U2SURP: variants seen among roughly 807,000 people sequenced by gnomAD.
U2SURP encodes the protein U2 snRNP associated SURP domain containing.
In U2SURP, 9 loss-of-function variants were observed where a neutral mutation model predicts 144.9. The observed-to-expected ratio is 0.06, with a 90% CI of 0.04 to 0.11. The LOEUF (loss-of-function observed/expected upper bound fraction) is 0.11, where lower values mean the gene tolerates loss of function less well. Among genes scored for constraint, U2SURP ranks in the 10% least tolerant of loss-of-function variants. The pLI is 1.00. For synonymous variants in U2SURP, 408 were observed against 396.8 expected, an observed-to-expected ratio of 1.03 and a Z score of -0.33; for missense variants, 724 against 1,226.7, an observed-to-expected ratio of 0.59 and a Z score of 6.12.
chr3:143,010,197 A>G lies in U2SURP; in HGVS notation c.46-618A>G, dbSNP rs557872448. Among the ~76,000 whole-genome samples the G allele has an allele frequency of 9.3e-4, 141 of 152,362 alleles. 1 individual carries two copies. Among genetic ancestry groups the G allele is most frequent in the African/African-American group, 2.4e-3 (99 of 41,582 alleles). On this transcript the variant is annotated intron_variant, in intron 1 of 27. Transcript: ENST00000473835. ...AGGTAGATCACTTAAGAAAAGTTGA[A>G]GTTTTAACAGTTGACATCACTGGAA...
intron 18 of U2SURP, 36 bp downstream of exon 18, chr3:143,033,386 AAGTATT>A: frequency 8.9e-7 from 1 of 1,124,588 alleles, no homozygotes; most frequent in South Asian, 1.4e-5. Context: ...TCCTGAAATA[AAGTATT>A]TAAGGGTAAG....
intron 10 of U2SURP, 93 bp from the exon 11 acceptor site, chr3:143,022,404 G>T: frequency 7.9e-7 from 1 of 1,270,780 alleles, no homozygotes; most frequent in Non-Finnish European, 1.1e-6. Context: ...TTGCTATGTT[G>T]CTTTTTATTT....
chr3:143,043,158 C>G lies in U2SURP; in HGVS notation c.2426C>G (p.Ser809Cys). The G allele has an allele frequency of 6.2e-7, 1 of 1,604,028 alleles. No individual in the cohort carries two copies. Among genetic ancestry groups the G allele is most frequent in the Non-Finnish European group, 8.5e-7 (1 of 1,175,218 alleles). Reference protein sequence around the residue: ...ESEDEEDTQSSKSEEHHLYSN... With the variant: ...ESEDEEDTQSCKSEEHHLYSN... ...GAAGATGAAGAAGATACTCAAAGTT[C>G]CAAATCTGAAGAACATCATTTGTAC... is the stretch of plus-strand genomic sequence containing the variant. Residue 809 changes from serine to cysteine, a missense_variant, in exon 24 of 28, where the codon TCC becomes TGC. Ser to Cys is a moderately radical substitution (Grantham distance 112, BLOSUM62 -1). Coordinates refer to ENST00000473835, the MANE Select transcript of U2SURP (RefSeq NM_001080415.2).
chr3:143,021,832 C>CT (rs1936649979), intron 10 of U2SURP, among the ~76,000 whole-genome samples: 2 of 152,148 alleles, frequency 1.3e-5, no homozygotes, highest in South Asian at 4.1e-4. Flanking sequence ...TATTTTGAGA[C>CT]TGTCCACTTC....
chr3:143,044,067 TC>T (rs902474519), intron 24 of U2SURP, among the ~76,000 whole-genome samples: 3 of 151,072 alleles, frequency 2.0e-5, no homozygotes, highest in African/African-American at 7.2e-5. Context: ...ATCCATTTCA[TC>T]TTGAGTGTTC....
chr3:143,055,873 T>C (rs1170254568), intron 27 of U2SURP, among the ~76,000 whole-genome samples: 1 of 152,192 alleles, frequency 6.6e-6, no homozygotes, highest in East Asian at 1.9e-4. Context: ...ACTGCAGTAG[T>C]TGTTTGCTTC....
rs760089130 is a variant in U2SURP at position 143,055,021 on chromosome 3, G to C, written c.2853G>C (p.Ser951=). The C allele has an allele frequency of 1.9e-6, 3 of 1,608,304 alleles. No homozygotes were observed. The highest frequency in any genetic ancestry group is 2.7e-5 in the African/African-American group (2 of 74,768). Residue 951 remains serine (S), a synonymous_variant, in exon 27 of 28, where the codon TCG becomes TCC. Coordinates refer to ENST00000473835, the MANE Select transcript of U2SURP (RefSeq NM_001080415.2). ...GAGTGAAATCCCCATCACCAAAATC[G>C]GAGCGATCAGAGCGTTCAGAAAGAT... ...GRRVKSPSPK[S]ERSERSERSH... is the part of the protein sequence containing the mutation.
intron 23 of U2SURP, among the ~76,000 whole-genome samples, chr3:143,041,282 A>C (rs1262300099): frequency 1.3e-5 from 2 of 151,952 alleles, no homozygotes; most frequent in African/African-American, 4.8e-5. Flanking sequence ...ATGTACCATA[A>C]AACAGGAAAT....
chr3:143,050,074 G>T (rs1057136198), intron 24 of U2SURP, among the ~76,000 whole-genome samples: 5 of 146,964 alleles, frequency 3.4e-5, no homozygotes, highest in Non-Finnish European at 7.5e-5. Context: ...TTCTGGTCTG[G>T]TTTTTTTTTT....
intron 24 of U2SURP, among the ~76,000 whole-genome samples, chr3:143,045,364 G>A (rs777890907): frequency 5.3e-5 from 4 of 76,062 alleles, no homozygotes; most frequent in Non-Finnish European, 7.4e-5. Context: ...GTGAGACGCC[G>A]TCAAAAAAAA....
chr3:143,045,837 A>C (rs993501657), intron 24 of U2SURP, among the ~76,000 whole-genome samples: 3 of 152,190 alleles, frequency 2.0e-5, no homozygotes, highest in African/African-American at 7.2e-5. Flanking sequence ...AAAATTATCT[A>C]ATCTTCTCTT....
rs751860939 is a variant in U2SURP, at chr3:143,055,093, T to C, written c.2925T>C (p.Pro975=). The change falls in exon 27 of 28, where the codon CCT becomes CCC. Residue 975 remains proline (P), a synonymous_variant. Transcript: ENST00000473835. ...SRSRSSHKDS[P]RDVSKKAKRS... is the part of the protein sequence containing the mutation. ...CCAGGTCATCTCACAAAGATTCTCC[T>C]AGAGATGTTAGCAAAAAAGCCAAAA... is the stretch of plus-strand genomic sequence containing the variant. 2 of 1,599,532 alleles carry C rather than the reference T, an allele frequency of 1.3e-6. No homozygotes were observed. Among genetic ancestry groups the C allele is most frequent in the Non-Finnish European group, 8.5e-7 (1 of 1,174,180 alleles).
Position 143,028,354 on chromosome 3 carries a change from A to G in U2SURP, c.1394A>G (p.Asn465Ser). 6.2e-7 allele frequency: 1 copy of G among 1,612,172 alleles called. No individual in the cohort carries two copies. Among genetic ancestry groups the G allele is most frequent in the Non-Finnish European group, 8.5e-7 (1 of 1,179,038 alleles). The change falls in exon 15 of 28, where the codon AAC becomes AGC. Residue 465 changes from asparagine to serine, a missense_variant. Coordinates refer to ENST00000473835, the MANE Select transcript of U2SURP (RefSeq NM_001080415.2). ...GTTTTGTGTAGGTTCTTATTTGAAAACCAGACACCAGCCCATGTTTACTAT... is the reference window on the plus strand; with the variant it reads ...GTTTTGTGTAGGTTCTTATTTGAAAGCCAGACACCAGCCCATGTTTACTAT... ...NNPMFRFLFE[N>S]QTPAHVYYRW...
Position 143,053,135 on chromosome 3 carries a change from T to C in U2SURP, c.2656-541T>C, listed in dbSNP as rs563850268. 2.0e-5 allele frequency among the ~76,000 whole-genome samples: 3 copies of C among 152,250 alleles called. No homozygotes were observed. In the South Asian group the frequency reaches 6.2e-4, roughly 32 times the overall value. ...AAGAGCTCTTTTTGATTAAATCAAT[T>C]TGTTTATAGTTAGAGGGATCACTTT... On this transcript the variant is annotated intron_variant, in intron 25 of 27. Transcript: ENST00000473835.
At chr3:143,015,893 T>C (rs928336687) in intron 4 of U2SURP, among the ~76,000 whole-genome samples, 1 of 152,128 alleles carries the variant, frequency 6.6e-6, no homozygotes, top group African/African-American at 2.4e-5. Flanking sequence ...TTGAAAAATA[T>C]TTATATTCAC....
intron 26 of U2SURP, 31 bp downstream of exon 26, chr3:143,053,825 A>G: frequency 1.3e-6 from 2 of 1,515,026 alleles, no homozygotes; most frequent in Non-Finnish European, 1.8e-6. Context: ...AATTGCATAT[A>G]CTGGTTTCAA....
At chr3:143,016,543 T>C (rs1936376715) in intron 5 of U2SURP, among the ~76,000 whole-genome samples, 172 bp downstream of exon 5, 1 of 152,166 alleles carries the variant, frequency 6.6e-6, no homozygotes, top group Non-Finnish European at 1.5e-5. Flanking sequence ...ATTAGCAAGA[T>C]AAATGGCCAA....
At position 143,010,815 on chromosome 3, in the gene U2SURP, A is replaced by G. The variant is rs1936084663; in HGVS notation, c.46A>G (p.Thr16Ala). The stretch of plus-strand genomic sequence containing the variant: ...TGACTTTTATTTTTGATACTTGTAG[A>G]CGAGATCATCAGATGTTCATTCATC... Reference protein sequence around the residue: ...PGGSQKASSKTRSSDVHSSGS... With the variant: ...PGGSQKASSKARSSDVHSSGS... The change falls in exon 2 of 28, where the codon ACG (threonine) becomes GCG (alanine). Residue 16 changes from threonine (T) to alanine (A), a missense_variant and splice_region_variant. Thr to Ala is a moderately conservative substitution (Grantham distance 58, BLOSUM62 0). Transcript: ENST00000473835. The G allele has an allele frequency of 1.9e-6, 3 of 1,606,096 alleles. No homozygotes were observed. The highest frequency in any genetic ancestry group is 2.6e-6 in the Non-Finnish European group (3 of 1,175,664).
chr3:143,055,360 A>T (rs554650883), intron 27 of U2SURP, among the ~76,000 whole-genome samples: 2 of 151,896 alleles, frequency 1.3e-5, no homozygotes, highest in Non-Finnish European at 2.9e-5. Context: ...ATCATATCCA[A>T]TGTTTTCTGT....
Sources: allele counts gnomAD v4.1 joint callset (sites outside exome capture counted in the v4.1 genomes callset), GRCh38; gene constraint gnomAD v4.1.1; transcripts MANE v1.5; gene names NCBI Gene and HGNC (gene_info 2026-07-23, HGNC 2026-07-21).